Variants in FHIT observed in about 807,000 individuals in gnomAD.
The protein encoded by FHIT is fragile histidine triad diadenosine triphosphatase.
Under a neutral mutation model 17.9 loss-of-function variants are expected in FHIT, and 19 were observed. The observed-to-expected ratio is 1.06, with a 90% CI of 0.74 to 1.56. The LOEUF is 1.56. FHIT is among the 40% of genes most tolerant of loss of function. FHIT has a pLI of 0.00. For missense variants in FHIT, 248 were observed against 189.2 expected, an observed-to-expected ratio of 1.31 and a Z score of -1.82; for synonymous variants, 81 against 69.7, an observed-to-expected ratio of 1.16 and a Z score of -0.81.
intron 3 of FHIT, among the ~76,000 whole-genome samples, chr3:60,831,398 C>T (rs569809189): frequency 6.6e-6 from 1 of 152,272 alleles, no homozygotes; most frequent in South Asian, 2.1e-4. Context: ...CATCCTAAAT[C>T]TCTGGACTTG....
chr3:60,303,502 G>A (rs75126275), intron 5 of FHIT, among the ~76,000 whole-genome samples: 53 of 152,248 alleles, frequency 3.5e-4, no homozygotes, highest in African/African-American at 9.6e-4. Context: ...GCCCTCTCCC[G>A]TTGCTGGACC....
At chr3:60,185,885 C>T (rs1264822073) in intron 5 of FHIT, among the ~76,000 whole-genome samples, 1 of 152,178 alleles carries the variant, frequency 6.6e-6, no homozygotes, top group Admixed American at 6.5e-5. Flanking sequence ...TACTAATTTG[C>T]AACTCTCTAC....
chr3:60,298,207 G>A (rs1708297595), intron 5 of FHIT, among the ~76,000 whole-genome samples: 1 of 151,994 alleles, frequency 6.6e-6, no homozygotes, highest in South Asian at 2.1e-4. Context: ...TCTTATGCAT[G>A]ATTGATTACA....
At chr3:60,733,983 G>A (rs1195720173) in intron 4 of FHIT, among the ~76,000 whole-genome samples, 3 of 152,136 alleles carry the variant, frequency 2.0e-5, no homozygotes, top group Non-Finnish European at 4.4e-5. Context: ...ACACTTAGGT[G>A]GACAGGCAAC....
chr3:60,200,707 G>C (rs568622379), intron 5 of FHIT, among the ~76,000 whole-genome samples: 1 of 150,840 alleles, frequency 6.6e-6, no homozygotes, highest in African/African-American at 2.4e-5. Flanking sequence ...CTTTTAATTA[G>C]GTTCCAAAAA....
At chr3:60,279,274 A>G (rs1216510207) in intron 5 of FHIT, among the ~76,000 whole-genome samples, 2 of 152,144 alleles carry the variant, frequency 1.3e-5, no homozygotes, top group Non-Finnish European at 2.9e-5. Context: ...GTGATCTCAA[A>G]TTTGATAACT....
intron 5 of FHIT, among the ~76,000 whole-genome samples, chr3:60,155,005 C>G (rs7646022): frequency 6.6e-6 from 1 of 151,708 alleles, no homozygotes; most frequent in Non-Finnish European, 1.5e-5. Context: ...TTTGAGACCA[C>G]TCTGGGCAAC....
rs531009898 is a variant in FHIT at position 59,749,389 on chromosome 3, C to T, written c.*196G>A. On this transcript the variant is annotated 3_prime_UTR_variant, in exon 10 of 10. Coordinates refer to ENST00000492590, the MANE Select transcript of FHIT (RefSeq NM_002012.4). ...AAACCTCAAATCTGCCTGTCTGAGC[C>T]GTTTAGGTCTAGGTATTTTAAGGGA... 1.8e-4 allele frequency: 42 copies of T among 231,190 alleles called. No homozygotes were observed. Among genetic ancestry groups the T allele is most frequent in the African/African-American group, 7.1e-4 (32 of 45,118 alleles). 14.3% of individuals were successfully genotyped at this position (231,190 alleles called of 1,614,324 possible).
chr3:60,394,921 T>C (rs1319225153), intron 5 of FHIT, among the ~76,000 whole-genome samples: 1 of 152,126 alleles, frequency 6.6e-6, no homozygotes, highest in Non-Finnish European at 1.5e-5. Flanking sequence ...GAAGGAAGAC[T>C]ATATAGGACT....
chr3:60,355,820 C>A (rs1699630600), intron 5 of FHIT, among the ~76,000 whole-genome samples: 1 of 152,128 alleles, frequency 6.6e-6, no homozygotes, highest in African/African-American at 2.4e-5. Flanking sequence ...AGGTGTACCT[C>A]CTTTGTCTAG....
intron 3 of FHIT, among the ~76,000 whole-genome samples, chr3:61,041,697 A>C (rs1448437828): frequency 1.3e-5 from 2 of 150,262 alleles, no homozygotes; most frequent in Non-Finnish European, 3.0e-5. Context: ...AAAAAAAAAA[A>C]TCCGCTCAAC....
At chr3:60,537,635 G>A (rs994266169) in intron 4 of FHIT, among the ~76,000 whole-genome samples, 5 of 152,126 alleles carry the variant, frequency 3.3e-5, no homozygotes, top group African/African-American at 4.8e-5. Context: ...AATGTTCTGC[G>A]TCTTCCTTTT....
At chr3:60,450,529 G>A (rs1245120563) in intron 5 of FHIT, among the ~76,000 whole-genome samples, 1 of 152,152 alleles carries the variant, frequency 6.6e-6, no homozygotes, top group African/African-American at 2.4e-5. Context: ...TCCAGAGGAA[G>A]TGAGTTTGAG....
At chr3:59,993,825 T>G (rs78748519) in intron 7 of FHIT, among the ~76,000 whole-genome samples, 11,115 of 151,992 alleles carry the variant, frequency 0.073, 543 homozygotes, top group African/African-American at 0.12. Flanking sequence ...CCTCTGAACC[T>G]CAGTTAACCT....
At chr3:60,443,331 G>A (rs531457828) in intron 5 of FHIT, among the ~76,000 whole-genome samples, 1 of 152,132 alleles carries the variant, frequency 6.6e-6, no homozygotes, top group Non-Finnish European at 1.5e-5. Flanking sequence ...TGGTGAGAGA[G>A]GACATCTCTG....
At chr3:60,674,754 G>A (rs1244024992) in intron 4 of FHIT, among the ~76,000 whole-genome samples, 3 of 152,078 alleles carry the variant, frequency 2.0e-5, no homozygotes, top group Non-Finnish European at 4.4e-5. Context: ...CCATCTCTGG[G>A]CAACCACTAG....
intron 5 of FHIT, among the ~76,000 whole-genome samples, chr3:60,373,193 G>T (rs1700406681): frequency 6.6e-6 from 1 of 152,152 alleles, no homozygotes; most frequent in Non-Finnish European, 1.5e-5. Flanking sequence ...GCCATGATCT[G>T]ATTGTAATTG....
chr3:60,233,874 G>A (rs972269484), intron 5 of FHIT, among the ~76,000 whole-genome samples: 1 of 152,150 alleles, frequency 6.6e-6, no homozygotes, highest in African/African-American at 2.4e-5. Flanking sequence ...CGCCATGTAA[G>A]ATGTGCCTTT....
chr3:61,210,925 T>A (rs907409867), intron 1 of FHIT, among the ~76,000 whole-genome samples: 1 of 151,864 alleles, frequency 6.6e-6, no homozygotes, highest in East Asian at 2.0e-4. Flanking sequence ...ACTGGAACTG[T>A]TCCTATTCGG....
Sources: gnomAD v4.1 joint callset for allele counts (sites outside exome capture counted in the v4.1 genomes callset) on GRCh38, gnomAD v4.1.1 for gene constraint, MANE v1.5 for transcripts, NCBI Gene and HGNC (gene_info 2026-07-23, HGNC 2026-07-21) for gene names.